The following NAV2 variants were observed in gnomAD, a reference collection of about 807,000 sequenced individuals.
The protein encoded by NAV2 is helicase, APC down-regulated 1.
Under a neutral mutation model 223.2 loss-of-function variants are expected in NAV2, and 54 were observed. The ratio of observed to expected loss-of-function variants is 0.24; its 90% CI spans 0.19 to 0.30. The LOEUF (loss-of-function observed/expected upper bound fraction) is 0.30, where lower values mean the gene tolerates loss of function less well. Ranked by LOEUF, NAV2 falls within the 10% of genes least tolerant of loss-of-function variation. NAV2 has a pLI of 1.00. For missense variants in NAV2, 2,806 were observed against 3,147.5 expected, an observed-to-expected ratio of 0.89 and a Z score of 2.60; for synonymous variants, 1,279 against 1,239.3, an observed-to-expected ratio of 1.03 and a Z score of -0.67.
At chr11:20,113,921 A>C (rs1293345880) in intron 36 of NAV2, among the ~76,000 whole-genome samples, 8 of 152,214 alleles carry the variant, frequency 5.3e-5, no homozygotes, top group Admixed American at 4.6e-4. Flanking sequence ...CTGAGGCAGG[A>C]GCATCACTTG....
At position 19,720,779 on chromosome 11, in the gene NAV2, T is replaced by C. The variant is rs116296511; in HGVS notation, c.267+6817T>C. 9.4e-3 allele frequency among the ~76,000 whole-genome samples: 1,433 copies of C among 152,368 alleles called. 22 individuals are homozygous for C. Among genetic ancestry groups the C allele is most frequent in the African/African-American group, 0.032 (1,350 of 41,592 alleles). The stretch of plus-strand genomic sequence containing the variant: ...ATCCCATGAGGTAGATGCTACTTCC[T>C]GAAGAGAACTGGAAATGACCACTCT... On this transcript the variant is annotated intron_variant, in intron 1 of 37. Transcript: ENST00000349880.
intron 11 of NAV2, among the ~76,000 whole-genome samples, chr11:19,986,916 T>G (rs1405538329): frequency 6.6e-6 from 1 of 152,254 alleles, no homozygotes; most frequent in Admixed American, 6.5e-5. Flanking sequence ...TAGTCTCATG[T>G]AGTTACAAAA....
chr11:19,366,623 A>C (rs1240062649), intron 1 of NAV2, among the ~76,000 whole-genome samples: 8 of 152,210 alleles, frequency 5.3e-5, no homozygotes, highest in Admixed American at 6.5e-5. Context: ...AACAGACCCC[A>C]GATAAAATCC....
At chr11:19,732,007 G>A (rs2152419929) in intron 1 of NAV2, among the ~76,000 whole-genome samples, 1 of 152,270 alleles carries the variant, frequency 6.6e-6, no homozygotes, top group Non-Finnish European at 1.5e-5. Context: ...AGTATGGGCT[G>A]GGAGGCTGAG....
chr11:19,563,103 A>G (rs1403504272), intron 1 of NAV2, among the ~76,000 whole-genome samples: 1 of 152,252 alleles, frequency 6.6e-6, no homozygotes, highest in Non-Finnish European at 1.5e-5. Flanking sequence ...AGCTCTCAGG[A>G]AAACAAAAGA....
chr11:19,528,639 A>C (rs2043920802), intron 1 of NAV2, among the ~76,000 whole-genome samples: 1 of 150,512 alleles, frequency 6.6e-6, no homozygotes, highest in Non-Finnish European at 1.5e-5. Context: ...CCCATTTTTT[A>C]AGAATGGGAA....
chr11:19,936,503 C>T (rs765892991), intron 7 of NAV2, among the ~76,000 whole-genome samples: 7 of 152,186 alleles, frequency 4.6e-5, no homozygotes, highest in Non-Finnish European at 8.8e-5. Context: ...TGACTAGCCC[C>T]GTTTTTACGT....
At chr11:19,449,559 T>C (rs1184389668) in intron 1 of NAV2, among the ~76,000 whole-genome samples, 1 of 133,112 alleles carries the variant, frequency 7.5e-6, no homozygotes, top group South Asian at 2.6e-4. Flanking sequence ...CTCCCAGGGC[T>C]GGCCCCCACC....
intron 1 of NAV2, 39 bp from the exon 2 acceptor site, chr11:19,832,445 G>T: frequency 6.5e-7 from 1 of 1,541,246 alleles, no homozygotes; most frequent in South Asian, 1.1e-5. Context: ...GAGGGGATCC[G>T]ACTGGCTTCC....
At chr11:19,532,959 C>T (rs2044073515) in intron 1 of NAV2, among the ~76,000 whole-genome samples, 1 of 152,188 alleles carries the variant, frequency 6.6e-6, no homozygotes, top group Admixed American at 6.5e-5. Context: ...CGGTTTAGTG[C>T]TCTTTGACCA....
In NAV2 at chr11:19,594,038, G is replaced by A. The variant is rs563897664; in HGVS notation, c.76-238446G>A. ...GGATTATCCCAATTTAATAGATGAG[G>A]AAGTTAGGGCACTGAGAGGTTAGCA... On this transcript the variant is annotated intron_variant, in intron 1 of 37. Transcript: ENST00000360655. Among the ~76,000 whole-genome samples, 18 of 152,286 alleles carry A rather than the reference G, an allele frequency of 1.2e-4. No individual in the cohort carries two copies. The South Asian group carries it at 3.5e-3, about 30-fold the overall frequency.
rs370234491 is a variant in NAV2, at chr11:19,474,317, CT to C, written c.75+123291del. Among the ~76,000 whole-genome samples, 512 of 152,322 alleles carry C rather than the reference CT, an allele frequency of 3.4e-3. 4 individuals carry two copies. Among genetic ancestry groups the C allele is most frequent in the African/African-American group, 0.012 (498 of 41,570 alleles). On this transcript the variant is annotated intron_variant, in intron 1 of 37. Coordinates refer to the NAV2 transcript ENST00000360655. ...AGACGCTAAATGAACCATAGTGAGG[CT>C]GTATTTTGGGGCATGTTAGAAAGAC...
chr11:19,393,895 G>GTTTTTTTTTTT (rs5790072), intron 1 of NAV2, among the ~76,000 whole-genome samples: 1 of 136,228 alleles, frequency 7.3e-6, no homozygotes. Flanking sequence ...TAACTTAAGG[G>GTTTTTTTTTTT]TTTTTTTTTT....
intron 1 of NAV2, among the ~76,000 whole-genome samples, chr11:19,642,787 G>GGTGT (rs202167535): frequency 1.3e-5 from 2 of 151,920 alleles, no homozygotes; most frequent in South Asian, 2.1e-4. Context: ...AACAGTCAGG[G>GGTGT]GTGTGTGTGT....
intron 1 of NAV2, among the ~76,000 whole-genome samples, chr11:19,639,801 T>C (rs7943341): frequency 0.99 from 151,368 of 152,322 alleles, 75,218 homozygotes; most frequent in Middle Eastern, 1. Context: ...CACCGCTACA[T>C]GCTGCCTGGC....
At chr11:19,832,723 AT>A in intron 2 of NAV2, 122 bp downstream of exon 2, 1 of 762,394 alleles carries the variant, frequency 1.3e-6, no homozygotes, top group Non-Finnish European at 2.2e-6. Flanking sequence ...TGTCTTGACA[AT>A]TTATTTGATT....
chr11:20,076,301 C>G (rs2059748373), intron 22 of NAV2, among the ~76,000 whole-genome samples: 1 of 152,208 alleles, frequency 6.6e-6, no homozygotes, highest in Admixed American at 6.5e-5. Flanking sequence ...TCTTTTCAAT[C>G]CTTTAATTGC....
At chr11:19,830,906 G>C (rs1157610642) in intron 1 of NAV2, among the ~76,000 whole-genome samples, 2 of 151,996 alleles carry the variant, frequency 1.3e-5, no homozygotes, top group Non-Finnish European at 2.9e-5. Context: ...CTGGATCGTT[G>C]GTCTCTGACA....
chr11:20,077,506 C>G (rs1218784127), intron 22 of NAV2, 46 bp from the exon 23 acceptor site: 2 of 1,468,878 alleles, frequency 1.4e-6, no homozygotes, highest in Non-Finnish European at 1.9e-6. Context: ...TCTAAGCACT[C>G]TTGCCTTGCA....
Sources: gnomAD v4.1 joint callset for allele counts (sites outside exome capture counted in the v4.1 genomes callset) on GRCh38, gnomAD v4.1.1 for gene constraint, MANE v1.5 for transcripts, NCBI Gene and HGNC (gene_info 2026-07-23, HGNC 2026-07-21) for gene names.